Variants in CLDN11 observed in about 807,000 individuals in gnomAD.
The protein encoded by CLDN11 is claudin-11.
A neutral mutation model predicts 18.0 loss-of-function variants in CLDN11; 1 was observed. The ratio of observed to expected loss-of-function variants is 0.06; its 90% confidence interval spans 0.02 to 0.26. CLDN11 has a LOEUF of 0.26. Among genes scored for constraint, CLDN11 ranks in the 10% least tolerant of loss-of-function variants. The pLI, the probability that CLDN11 is intolerant of heterozygous loss-of-function variation, is 1.00. For synonymous variants in CLDN11, 116 were observed against 121.5 expected (o/e 0.96, Z 0.30); for missense variants, 172 against 276.6 (o/e 0.62, Z 2.68).
At chr3:170,427,101 A>G (rs1225302845) in intron 2 of CLDN11, among the ~76,000 whole-genome samples, 2 of 152,206 alleles carry the variant, frequency 1.3e-5, no homozygotes, top group Non-Finnish European at 2.9e-5. Context: ...GAGGAATAGT[A>G]TAATAAACCC....
chr3:170,431,490 T>C (rs576533206), intron 2 of CLDN11, among the ~76,000 whole-genome samples: 1 of 152,350 alleles, frequency 6.6e-6, no homozygotes, highest in East Asian at 1.9e-4. Context: ...TAAATTAAAA[T>C]TAATGAAAAT....
intron 1 of CLDN11, chr3:170,421,255 G>C: frequency 1.0e-6 from 1 of 985,516 alleles, no homozygotes; most frequent in Non-Finnish European, 1.2e-6. Context: ...TTGGTGTCCG[G>C]ACATGGCCTT....
At chr3:170,427,201 T>C (rs1738879067) in intron 2 of CLDN11, among the ~76,000 whole-genome samples, 1 of 152,220 alleles carries the variant, frequency 6.6e-6, no homozygotes, top group South Asian at 2.1e-4. Flanking sequence ...AGTCTTCAGA[T>C]TTTTAAAAGG....
At chr3:170,428,271 ACCTGTATTGATTTTATTT>A (rs1738914266) in intron 2 of CLDN11, among the ~76,000 whole-genome samples, 1 of 151,826 alleles carries the variant, frequency 6.6e-6, no homozygotes, top group Admixed American at 6.6e-5. Flanking sequence ...CGTCAAACAT[ACCTGTATTGATTTTATTT>A]AACTTCATGT....
intron 2 of CLDN11, among the ~76,000 whole-genome samples, chr3:170,427,948 G>T (rs1353961426): frequency 6.6e-6 from 1 of 151,894 alleles, no homozygotes; most frequent in African/African-American, 2.4e-5. Flanking sequence ...CTTGAGCCCA[G>T]GAGTTCGAAA....
At chr3:170,424,932 TGTGTGTGTGC>T (rs368702864) in intron 2 of CLDN11, among the ~76,000 whole-genome samples, 4,397 of 57,314 alleles carry the variant, frequency 0.077, 104 homozygotes, top group South Asian at 0.3. Flanking sequence ...TGTGTGTGTG[TGTGTGTGTGC>T]GCGCGTGTGT....
chr3:170,423,572 G>A (rs1006703795), intron 2 of CLDN11: 3 of 493,636 alleles, frequency 6.1e-6, no homozygotes, highest in Non-Finnish European at 1.1e-5. Context: ...GGATTTTGAA[G>A]GTAGGAAATA....
At position 170,419,292 on chromosome 3, in the gene CLDN11, G is replaced by C; in HGVS notation, c.226G>C (p.Gly76Arg). The C allele has an allele frequency of 6.4e-7, 1 of 1,551,110 alleles. No individual in the cohort carries two copies. Among genetic ancestry groups the C allele is most frequent in the Non-Finnish European group, 8.7e-7 (1 of 1,144,726 alleles). ...KPLVDILILPGYVQACRALMI... is the reference protein window; with the variant it reads ...KPLVDILILPRYVQACRALMI... ...CCTGGTGGACATCCTCATCCTGCCG[G>C]GTAAGGACCCGAGCTTGGCGGCGGC... The change falls in exon 1 of 3, where the codon GGC becomes CGC. Residue 76 changes from glycine (G) to arginine (R), a missense_variant and splice_region_variant. Physicochemically the swap from Gly to Arg is moderately radical, Grantham distance 125 (BLOSUM62 -2). Coordinates refer to ENST00000064724, the MANE Select transcript of CLDN11 (RefSeq NM_005602.6). The surrounding 1 kb of genome is among the most constrained non-coding windows in gnomAD (Gnocchi z 8.6).
At chr3:170,426,726 T>G (rs1464928578) in intron 2 of CLDN11, among the ~76,000 whole-genome samples, 3 of 152,212 alleles carry the variant, frequency 2.0e-5, no homozygotes, top group Non-Finnish European at 4.4e-5. Flanking sequence ...GGTTAGCTGG[T>G]TAAAAGAATA....
chr3:170,429,838 C>A (rs1340542477), intron 2 of CLDN11, among the ~76,000 whole-genome samples: 1 of 152,206 alleles, frequency 6.6e-6, no homozygotes, highest in Admixed American at 6.5e-5. Flanking sequence ...TGCTTTCCTG[C>A]ATGTGTGTGC....
At chr3:170,420,152 G>C (rs192203566) in intron 1 of CLDN11, among the ~76,000 whole-genome samples, 3 of 152,372 alleles carry the variant, frequency 2.0e-5, no homozygotes, top group Admixed American at 1.3e-4. Context: ...CCGGCCAGGG[G>C]CCACATTTTC....
At chr3:170,432,396 ACT>A in intron 2 of CLDN11, 126 bp from the exon 3 acceptor site, 7 of 1,491,852 alleles carry the variant, frequency 4.7e-6, no homozygotes, top group Non-Finnish European at 6.2e-6. Flanking sequence ...AGGGAGCAGA[ACT>A]GTGTGTATGG....
At chr3:170,430,077 T>C (rs1738959054) in intron 2 of CLDN11, among the ~76,000 whole-genome samples, 1 of 152,166 alleles carries the variant, frequency 6.6e-6, no homozygotes, top group African/African-American at 2.4e-5. Flanking sequence ...TAGGTTGCTG[T>C]TTTTTGCCCA....
At chr3:170,421,441 A>C (rs1385251725) in intron 1 of CLDN11, 2 of 195,294 alleles carry the variant, frequency 1.0e-5, no homozygotes, top group African/African-American at 4.7e-5. Flanking sequence ...GTCAGTAGAC[A>C]CTTGACTGAT....
rs1279110034 is a variant in CLDN11 at position 170,419,929 on chromosome 3, T to A, written c.226+637T>A. ...CCAGGGCCATCTCCGCTGCCCCCGC[T>A]ACCCCCGCCCCTGCTGTGGGCGCGT... On this transcript the variant is annotated intron_variant, in intron 1 of 2. Coordinates refer to ENST00000064724, the MANE Select transcript of CLDN11 (RefSeq NM_005602.6). The surrounding 1 kb of genome is among the most constrained non-coding windows in gnomAD (Gnocchi z 8.6). Among the ~76,000 whole-genome samples, 1 of 152,220 alleles carries A rather than the reference T, an allele frequency of 6.6e-6. No homozygotes were observed. Among genetic ancestry groups the A allele is most frequent in the African/African-American group, 2.4e-5 (1 of 41,462 alleles).
chr3:170,432,803 G>C lies in CLDN11; in HGVS notation c.*47G>C. On this transcript the variant is annotated 3_prime_UTR_variant, in exon 3 of 3. Transcript: ENST00000064724. ...AGAGGTGCTGTAGATGCTGGGCCCA[G>C]GGCCCTAGGTTTGCTCGTCACAGTG... 1 of 1,577,180 alleles carries C rather than the reference G, an allele frequency of 6.3e-7. No individual in the cohort carries two copies. Among genetic ancestry groups the C allele is most frequent in the Non-Finnish European group, 8.7e-7 (1 of 1,146,662 alleles).
In CLDN11 at chr3:170,419,262, A is replaced by C; in HGVS notation, c.196A>C (p.Lys66Gln). ...CVMATGLYHC[K>Q]PLVDILILPG... ...CATGGCCACGGGGCTGTACCACTGCAAGCCCCTGGTGGACATCCTCATCCT... is the reference window on the plus strand; with the variant it reads ...CATGGCCACGGGGCTGTACCACTGCCAGCCCCTGGTGGACATCCTCATCCT... The change falls in exon 1 of 3, where the codon AAG becomes CAG. Residue 66 changes from lysine to glutamine, a missense_variant. By Grantham distance (53) the Lys-to-Gln change is moderately conservative. Around this residue, in one of 3 missense-constraint regions of CLDN11, gnomAD observed 161 missense variants for 240.3 expected, o/e 0.67. Transcript: ENST00000064724. This position sits in a 1 kb window ranked among gnomAD's most constrained non-coding sequence, Gnocchi z 8.6. 2 of 1,570,458 alleles carry C rather than the reference A, an allele frequency of 1.3e-6. No homozygotes were observed. Among genetic ancestry groups the C allele is most frequent in the Non-Finnish European group, 1.7e-6 (2 of 1,157,832 alleles).
rs140975891 is a variant in CLDN11 at position 170,432,738 on chromosome 3, G to A, written c.606G>A (p.Ala202=). 3.7e-4 allele frequency: 600 copies of A among 1,614,182 alleles called. No individual in the cohort carries two copies. The African/African-American group carries it at 6.7e-3, about 18-fold the overall frequency. Residue 202 remains alanine, a synonymous_variant, in exon 3 of 3, where the codon GCG becomes GCA. Coordinates refer to ENST00000064724, the MANE Select transcript of CLDN11 (RefSeq NM_005602.6). Reference sequence around the variant, plus strand: ...CGGGCTCTAGCTCCCCGACTCATGCGAAGAGTGCCCACGTATAAGAGGGCT... The same window carrying A: ...CGGGCTCTAGCTCCCCGACTCATGCAAAGAGTGCCCACGTATAAGAGGGCT... The part of the protein sequence containing the change: ...YTAGSSSPTH[A]KSAHV
chr3:170,426,884 C>T (rs559608442), intron 2 of CLDN11, among the ~76,000 whole-genome samples: 7 of 152,220 alleles, frequency 4.6e-5, no homozygotes, highest in African/African-American at 1.2e-4. Flanking sequence ...TGGGTTCAAG[C>T]GATTCTCCTG....
Sources: allele counts gnomAD v4.1 joint callset (sites outside exome capture counted in the v4.1 genomes callset), GRCh38; gene constraint gnomAD v4.1.1; regional missense constraint gnomAD v4.1.1; non-coding constraint Gnocchi (gnomAD v3.1); transcripts MANE v1.5; gene names NCBI Gene and HGNC (gene_info 2026-07-23, HGNC 2026-07-21).